The following ADGRD1 variants were observed in gnomAD, a reference collection of about 807,000 sequenced individuals.
The protein encoded by ADGRD1 is adhesion G protein-coupled receptor D1, also known as G-protein coupled receptor 133.
In ADGRD1, 77 loss-of-function variants were observed where a neutral mutation model predicts 113.4. The ratio of observed to expected loss-of-function variants is 0.68; its 90% CI spans 0.57 to 0.82. The LOEUF (loss-of-function observed/expected upper bound fraction) is 0.82, where lower values mean the gene tolerates loss of function less well. ADGRD1 is among the 40% of genes least tolerant of loss of function. The probability of loss-of-function intolerance (pLI) is 0.00; values close to 1 mark genes in which losing one functional copy is unlikely to be tolerated. For synonymous variants in ADGRD1, 474 were observed against 475.0 expected, an observed-to-expected ratio of 1.00 and a Z score of 0.03; for missense variants, 1,036 against 1,139.1, an observed-to-expected ratio of 0.91 and a Z score of 1.30.
intron 21 of ADGRD1, among the ~76,000 whole-genome samples, chr12:131,134,491 T>C (rs567429064): frequency 2.0e-5 from 3 of 152,376 alleles, no homozygotes; most frequent in African/African-American, 7.2e-5. Context: ...CAGTGATTGA[T>C]CCTTTCAGAT....
chr12:131,031,279 G>A (rs1284551368), intron 13 of ADGRD1, among the ~76,000 whole-genome samples: 3 of 152,208 alleles, frequency 2.0e-5, no homozygotes, highest in Non-Finnish European at 1.5e-5. Context: ...TGGGTACTGC[G>A]TGCTGCCCTG....
intron 13 of ADGRD1, among the ~76,000 whole-genome samples, chr12:131,019,814 T>C (rs546620073): frequency 2.0e-5 from 3 of 148,090 alleles, no homozygotes; most frequent in Admixed American, 2.0e-4. Flanking sequence ...GGGCAGGGGG[T>C]GCTCCAGGGA....
At chr12:131,046,043 G>C (rs1315057216) in intron 13 of ADGRD1, among the ~76,000 whole-genome samples, 3 of 144,306 alleles carry the variant, frequency 2.1e-5, no homozygotes, top group African/African-American at 7.8e-5. Flanking sequence ...GTCCTCCCTG[G>C]TCAGCACTTC....
chr12:131,111,045 T>A (rs56254440), intron 18 of ADGRD1, among the ~76,000 whole-genome samples: 23,677 of 152,146 alleles, frequency 0.16, 2,024 homozygotes, highest in Middle Eastern at 0.26. Flanking sequence ...TTTCTCTTTG[T>A]CTTTCAGCAT....
intron 15 of ADGRD1, among the ~76,000 whole-genome samples, chr12:131,090,096 G>C (rs1467348): frequency 0.64 from 96,886 of 152,072 alleles, 34,507 homozygotes; most frequent in East Asian, 0.88. Context: ...TTACGGTCTC[G>C]ATCCGTCACC....
In ADGRD1 at chr12:131,105,835, G is replaced by A; in HGVS notation, c.1857G>A (p.Leu619=). 1 of 1,600,362 alleles carries A rather than the reference G, an allele frequency of 6.2e-7. No homozygotes were observed. Among genetic ancestry groups the A allele is most frequent in the Non-Finnish European group, 8.5e-7 (1 of 1,179,834 alleles). Reference sequence around the variant, plus strand: ...CCGTGCTGGTGGCCCAGGTCCTGCTGCTCATTAGTTTCCGCCTCGAGCCGG... The same window carrying A: ...CCGTGCTGGTGGCCCAGGTCCTGCTACTCATTAGTTTCCGCCTCGAGCCGG... ...SFAVLVAQVL[L]LISFRLEPGT... The change falls in exon 17 of 25, where the codon CTG becomes CTA. Residue 619 remains leucine, a synonymous_variant. Coordinates refer to ENST00000261654, the MANE Select transcript of ADGRD1 (RefSeq NM_198827.5).
At chr12:131,034,911 G>A (rs934868442) in intron 13 of ADGRD1, among the ~76,000 whole-genome samples, 6 of 152,152 alleles carry the variant, frequency 3.9e-5, no homozygotes, top group Non-Finnish European at 4.4e-5. Context: ...GGTGCCCCAC[G>A]CCTACAGCTG....
rs115057809 is a variant in ADGRD1 at position 130,972,061 on chromosome 12, C to T, written c.310+481C>T. On this transcript the variant is annotated intron_variant, in intron 4 of 24. Transcript: ENST00000261654. ...GGCTGGGCAGTGGCTCGAACTGTCC[C>T]GGCAAGCGGTCGCAGGCTTGTGGCT... Among the ~76,000 whole-genome samples the T allele has an allele frequency of 4.3e-3, 654 of 152,186 alleles. 6 individuals are homozygous for T. Among genetic ancestry groups the T allele is most frequent in the African/African-American group, 0.015 (616 of 41,502 alleles).
At chr12:131,033,362 C>G (rs1881020507) in intron 13 of ADGRD1, among the ~76,000 whole-genome samples, 1 of 152,254 alleles carries the variant, frequency 6.6e-6, no homozygotes, top group Non-Finnish European at 1.5e-5. Context: ...CCCACAAGCA[C>G]TGCCCAAGCA....
At chr12:130,989,785 T>C (rs1455504418) in intron 6 of ADGRD1, 1 of 152,256 alleles carries the variant, frequency 6.6e-6, no homozygotes, top group African/African-American at 2.4e-5. Context: ...CCAGGTGTGG[T>C]GGCCTTTCCT....
chr12:131,133,148 G>T (rs1156763675), intron 21 of ADGRD1, among the ~76,000 whole-genome samples: 3 of 151,988 alleles, frequency 2.0e-5, no homozygotes, highest in African/African-American at 7.3e-5. Context: ...GGCCTGGCTG[G>T]GGAGGGACCT....
chr12:131,130,701 A>C (rs1193663613), intron 20 of ADGRD1, among the ~76,000 whole-genome samples: 1 of 152,144 alleles, frequency 6.6e-6, no homozygotes, highest in African/African-American at 2.4e-5. Context: ...TGTGCGGAAC[A>C]GCGATGCTGG....
Position 131,120,888 on chromosome 12 carries a change from T to C in ADGRD1, c.2150T>C (p.Val717Ala). 1 of 1,614,206 alleles carries C rather than the reference T, an allele frequency of 6.2e-7. No homozygotes were observed. Among genetic ancestry groups the C allele is most frequent in the Non-Finnish European group, 8.5e-7 (1 of 1,180,032 alleles). The change falls in exon 20 of 25, where the codon GTA becomes GCA. Residue 717 changes from valine (V) to alanine (A), a missense_variant. Transcript: ENST00000261654. ...GCGAGTGGCGCCATCTGGGCCTTTGTAGCCCCTGCCCTGTTTGTCATCGTG... is the reference window on the plus strand; with the variant it reads ...GCGAGTGGCGCCATCTGGGCCTTTGCAGCCCCTGCCCTGTTTGTCATCGTG... ...SLASGAIWAFVAPALFVIVVN... is the reference protein window; with the variant it reads ...SLASGAIWAFAAPALFVIVVN...
chr12:130,967,082 G>C (rs1055580214), intron 3 of ADGRD1: 2 of 454,536 alleles, frequency 4.4e-6, no homozygotes, highest in Non-Finnish European at 8.9e-6. Flanking sequence ...TGTTTTCTAC[G>C]TTGAATGGAC....
intron 19 of ADGRD1, chr12:131,120,630 G>A (rs570708634): frequency 1.6e-6 from 1 of 626,234 alleles, no homozygotes; most frequent in African/African-American, 1.8e-5. Flanking sequence ...TCCAGAGGTT[G>A]CTGTCCTGGT....
chr12:131,079,248 T>C (rs1885882739), intron 14 of ADGRD1, among the ~76,000 whole-genome samples: 1 of 152,224 alleles, frequency 6.6e-6, no homozygotes, highest in Non-Finnish European at 1.5e-5. Context: ...CCGTAGTTTA[T>C]TTATCTTCTC....
intron 18 of ADGRD1, among the ~76,000 whole-genome samples, chr12:131,109,942 A>G (rs1291805000): frequency 6.6e-6 from 1 of 152,192 alleles, no homozygotes; most frequent in Non-Finnish European, 1.5e-5. Context: ...TTTTACATTT[A>G]TAAAACATCT....
At position 130,969,420 on chromosome 12, in the gene ADGRD1, C is replaced by G. The variant is rs138874739; in HGVS notation, c.188-2038C>G. The G allele has an allele frequency of 2.3e-3, 483 of 207,980 alleles. 3 individuals carry two copies. The highest frequency in any genetic ancestry group is 0.011 in the African/African-American group (458 of 42,678). The allele number at this position is 207,980 out of a possible 1,614,324, so 12.9% of individuals were successfully genotyped here. ...GCTCCCTATCGCTCACATTACCGCC[C>G]GAGCTCCACCTCCTGTCAGATCAGC... On this transcript the variant is annotated intron_variant, in intron 3 of 24. Coordinates refer to ENST00000261654, the MANE Select transcript of ADGRD1 (RefSeq NM_198827.5).
At chr12:131,056,849 C>T (rs1192364638) in intron 13 of ADGRD1, among the ~76,000 whole-genome samples, 2 of 152,148 alleles carry the variant, frequency 1.3e-5, no homozygotes, top group East Asian at 3.9e-4. Flanking sequence ...TGGATGCAAG[C>T]AGGTGTTAAT....
Sources: allele counts gnomAD v4.1 joint callset (sites outside exome capture counted in the v4.1 genomes callset), GRCh38; gene constraint gnomAD v4.1.1; transcripts MANE v1.5; gene names NCBI Gene and HGNC (gene_info 2026-07-23, HGNC 2026-07-21).